The following PDSS2 variants were observed in gnomAD, a reference collection of about 807,000 sequenced individuals.
The protein encoded by PDSS2 is all trans-polyprenyl-diphosphate synthase PDSS2.
PDSS2 carries 31 observed loss-of-function variants against 44.5 expected under a neutral mutation model. The ratio of observed to expected loss-of-function variants is 0.70; its 90% CI spans 0.52 to 0.94. PDSS2 has a LOEUF of 0.94. PDSS2 is among the 40% of genes least tolerant of loss of function. The probability of loss-of-function intolerance (pLI) is 0.00; values close to 1 mark genes in which losing one functional copy is unlikely to be tolerated. For synonymous variants in PDSS2, 157 were observed against 180.3 expected, an observed-to-expected ratio of 0.87 and a Z score of 1.03; for missense variants, 452 against 482.2, an observed-to-expected ratio of 0.94 and a Z score of 0.59.
intron 4 of PDSS2, among the ~76,000 whole-genome samples, chr6:107,227,228 C>T (rs935880708): frequency 3.3e-5 from 5 of 150,000 alleles, no homozygotes; most frequent in Middle Eastern, 3.6e-3. Flanking sequence ...AGTGATCTGC[C>T]GGCCCTGGCC....
At chr6:107,345,418 A>G (rs1266109467) in intron 1 of PDSS2, among the ~76,000 whole-genome samples, 2 of 151,212 alleles carry the variant, frequency 1.3e-5, no homozygotes. Context: ...CTATTAGCTA[A>G]TAATGGAATC....
chr6:107,332,075 CAA>C (rs1777727917), intron 2 of PDSS2, among the ~76,000 whole-genome samples: 1 of 150,602 alleles, frequency 6.6e-6, no homozygotes, highest in South Asian at 2.1e-4. Context: ...TAAACTTAGC[CAA>C]GAGTTTTCTA....
chr6:107,350,819 A>G (rs1344467418), intron 1 of PDSS2, among the ~76,000 whole-genome samples: 1 of 152,192 alleles, frequency 6.6e-6, no homozygotes, highest in Non-Finnish European at 1.5e-5. Context: ...TCAAAAAAAA[A>G]AGTAAACAAA....
intron 2 of PDSS2, among the ~76,000 whole-genome samples, chr6:107,307,726 T>C (rs76999755): frequency 0.059 from 9,028 of 152,264 alleles, 353 homozygotes; most frequent in Middle Eastern, 0.17. Context: ...TTGTCTTCCC[T>C]ATTCACTGGT....
At chr6:107,309,168 T>G (rs1223533545) in intron 2 of PDSS2, among the ~76,000 whole-genome samples, 2 of 152,260 alleles carry the variant, frequency 1.3e-5, no homozygotes, top group African/African-American at 4.8e-5. Flanking sequence ...TAGATATCAC[T>G]GAAGAATATT....
intron 1 of PDSS2, among the ~76,000 whole-genome samples, chr6:107,402,515 C>CGTATATATGTAT (rs1780170829): frequency 2.9e-4 from 1 of 3,430 alleles, no homozygotes; most frequent in East Asian, 7.6e-3. Context: ...TATATACACA[C>CGTATATATGTAT]ACATATATAC....
intron 1 of PDSS2, among the ~76,000 whole-genome samples, chr6:107,387,975 C>A (rs1779661750): frequency 6.6e-6 from 1 of 152,144 alleles, no homozygotes; most frequent in South Asian, 2.1e-4. Context: ...GATTCTCAAT[C>A]CTATTCAATC....
At chr6:107,203,457 A>T (rs1332096298) in intron 6 of PDSS2, among the ~76,000 whole-genome samples, 4 of 152,050 alleles carry the variant, frequency 2.6e-5, no homozygotes, top group Non-Finnish European at 5.9e-5. Context: ...GGTTTCCAAA[A>T]ACTTCTTAAT....
At chr6:107,429,901 A>AAAATATATAT (rs1166637352) in intron 1 of PDSS2, among the ~76,000 whole-genome samples, 4 of 31,832 alleles carry the variant, frequency 1.3e-4, no homozygotes, top group South Asian at 2.6e-3. Context: ...AAAAAAAAAA[A>AAAATATATAT]ATATATATAT....
intron 1 of PDSS2, among the ~76,000 whole-genome samples, chr6:107,377,747 G>T (rs1779331071): frequency 6.6e-6 from 1 of 152,034 alleles, no homozygotes; most frequent in Non-Finnish European, 1.5e-5. Flanking sequence ...GGACATGGAT[G>T]AAATTGGAAA....
intron 4 of PDSS2, among the ~76,000 whole-genome samples, chr6:107,240,971 C>G (rs192842231): frequency 1.3e-5 from 2 of 152,156 alleles, no homozygotes; most frequent in Admixed American, 6.5e-5. Flanking sequence ...ATTCAACTTA[C>G]TTAGTACAGT....
chr6:107,385,472 C>T (rs1779583567), intron 1 of PDSS2, among the ~76,000 whole-genome samples: 1 of 152,150 alleles, frequency 6.6e-6, no homozygotes, highest in Non-Finnish European at 1.5e-5. Context: ...CAGATTAGTA[C>T]TTACTAAATG....
At chr6:107,403,818 A>T (rs959074907) in intron 1 of PDSS2, among the ~76,000 whole-genome samples, 2 of 152,064 alleles carry the variant, frequency 1.3e-5, no homozygotes, top group African/African-American at 4.8e-5. Context: ...GGCTCAAGAA[A>T]CCATTTTTCC....
At chr6:107,339,616 C>T (rs1737736621) in intron 1 of PDSS2, among the ~76,000 whole-genome samples, 2 of 152,002 alleles carry the variant, frequency 1.3e-5, no homozygotes, top group African/African-American at 4.8e-5. Context: ...GCAAGAGTGC[C>T]ATGAGAGCTT....
chr6:107,248,509 G>A lies in PDSS2; in HGVS notation c.631-2890C>T, dbSNP rs1260427621. Among the ~76,000 whole-genome samples, 5 of 123,210 alleles carry A rather than the reference G, an allele frequency of 4.1e-5. No homozygotes were observed. The South Asian group carries it at 8.5e-4, about 21-fold the overall frequency. The allele number at this position is 123,210 out of a possible 152,430, so 80.8% of individuals were successfully genotyped here. A position where few individuals can be genotyped will look rare whatever the true frequency, so the allele number is the denominator to read the frequency against. ...ACCCTTGGAAGCTCAACAGATTAGG[G>A]AACTGTTAAAAAAAAAAAAAAAAAA... On this transcript the variant is annotated intron_variant, in intron 3 of 7. Coordinates refer to ENST00000369037, the MANE Select transcript of PDSS2 (RefSeq NM_020381.4).
At chr6:107,283,396 A>T (rs1400435234) in intron 2 of PDSS2, among the ~76,000 whole-genome samples, 1 of 152,008 alleles carries the variant, frequency 6.6e-6, no homozygotes, top group Non-Finnish European at 1.5e-5. Flanking sequence ...AAATCTCTTC[A>T]AATGTTCTGC....
At chr6:107,359,243 C>A (rs1287673805) in intron 1 of PDSS2, among the ~76,000 whole-genome samples, 2 of 151,260 alleles carry the variant, frequency 1.3e-5, no homozygotes, top group African/African-American at 4.9e-5. Flanking sequence ...AACTCCTGAC[C>A]TCAGGTGATT....
At chr6:107,430,302 C>G (rs1478681352) in intron 1 of PDSS2, among the ~76,000 whole-genome samples, 1 of 152,022 alleles carries the variant, frequency 6.6e-6, no homozygotes, top group African/African-American at 2.4e-5. Context: ...GAGGTCAAGA[C>G]TAGCCTGGCG....
At chr6:107,176,557 G>T (rs1014849484) in intron 7 of PDSS2, among the ~76,000 whole-genome samples, 1 of 151,986 alleles carries the variant, frequency 6.6e-6, no homozygotes, top group Admixed American at 6.6e-5. Context: ...ATTATGCTTA[G>T]TCTGGATGGT....
Sources: allele counts gnomAD v4.1 joint callset (sites outside exome capture counted in the v4.1 genomes callset), GRCh38; gene constraint gnomAD v4.1.1; transcripts MANE v1.5; gene names NCBI Gene and HGNC (gene_info 2026-07-23, HGNC 2026-07-21).